Variants in FOXP1 observed in about 807,000 individuals in gnomAD.
FOXP1 encodes the protein forkhead box protein P1.
A neutral mutation model predicts 98.2 loss-of-function variants in FOXP1; 15 were observed. The ratio of observed to expected loss-of-function variants is 0.15; its 90% CI spans 0.10 to 0.24. The LOEUF is 0.24. Among genes scored for constraint, FOXP1 ranks in the 10% least tolerant of loss-of-function variants. The pLI is 1.00. For synonymous variants in FOXP1, 371 were observed against 314.5 expected, an observed-to-expected ratio of 1.18 and a Z score of -1.90; for missense variants, 633 against 848.5, an observed-to-expected ratio of 0.75 and a Z score of 3.15.
At chr3:71,509,960 C>G (rs906234045) in intron 2 of FOXP1, among the ~76,000 whole-genome samples, 1 of 152,100 alleles carries the variant, frequency 6.6e-6, no homozygotes, top group African/African-American at 2.4e-5. Flanking sequence ...GAGCAGATCA[C>G]CTGAGGTCAG....
intron 7 of FOXP1, among the ~76,000 whole-genome samples, chr3:71,102,375 T>C (rs370713460): frequency 1.3e-5 from 2 of 152,192 alleles, no homozygotes; most frequent in East Asian, 1.9e-4. Flanking sequence ...GCTATATCCA[T>C]GCTATGTTTA....
At chr3:71,109,493 CAGA>C (rs2057732528) in intron 7 of FOXP1, among the ~76,000 whole-genome samples, 1 of 151,570 alleles carries the variant, frequency 6.6e-6, no homozygotes, top group South Asian at 2.1e-4. Flanking sequence ...TTCCTCTATG[CAGA>C]AGATCTGAAA....
At chr3:70,965,827 C>T in intron 20 of FOXP1, 63 bp downstream of exon 20, 2 of 1,518,080 alleles carry the variant, frequency 1.3e-6, no homozygotes, top group South Asian at 1.1e-5. Flanking sequence ...GGGCTGTCTC[C>T]CTGCGTGTAC....
At chr3:70,961,848 C>T (rs1315073351) in intron 20 of FOXP1, among the ~76,000 whole-genome samples, 1 of 152,046 alleles carries the variant, frequency 6.6e-6, no homozygotes, top group Non-Finnish European at 1.5e-5. Flanking sequence ...ATCACTTGAG[C>T]CCAGGAGTTC....
chr3:71,375,625 C>T (rs992006995), intron 3 of FOXP1, among the ~76,000 whole-genome samples: 21 of 152,070 alleles, frequency 1.4e-4, no homozygotes, highest in Non-Finnish European at 2.8e-4. Flanking sequence ...ATAAAGAGTA[C>T]AAGGAGACAT....
At chr3:71,430,218 C>T (rs1395506962) in intron 3 of FOXP1, among the ~76,000 whole-genome samples, 1 of 152,172 alleles carries the variant, frequency 6.6e-6, no homozygotes, top group Non-Finnish European at 1.5e-5. Flanking sequence ...GAGGACTTTG[C>T]AGCGTGAGCG....
intron 2 of FOXP1, among the ~76,000 whole-genome samples, chr3:71,525,825 A>G (rs2043333090): frequency 6.6e-6 from 1 of 152,150 alleles, no homozygotes; most frequent in Admixed American, 6.5e-5. Context: ...ATTTAAATAT[A>G]GGAGTACTGG....
intron 3 of FOXP1, among the ~76,000 whole-genome samples, chr3:71,448,770 T>G (rs966421500): frequency 6.6e-6 from 1 of 152,150 alleles, no homozygotes; most frequent in Admixed American, 6.6e-5. Flanking sequence ...ATTCCAAACT[T>G]CTCTGTTTTG....
intron 5 of FOXP1, among the ~76,000 whole-genome samples, chr3:71,287,827 A>C (rs1175284867): frequency 1.3e-5 from 2 of 152,176 alleles, no homozygotes; most frequent in Non-Finnish European, 2.9e-5. Context: ...TTTAGTTACA[A>C]TGTTGAACTG....
intron 3 of FOXP1, among the ~76,000 whole-genome samples, chr3:71,429,765 T>C (rs1176143377): frequency 6.6e-6 from 1 of 152,214 alleles, no homozygotes; most frequent in Non-Finnish European, 1.5e-5. Flanking sequence ...AGAATCACCG[T>C]CATTGAAAGA....
At position 71,582,124 on chromosome 3, in the gene FOXP1, G is replaced by A. The variant is rs182382045; in HGVS notation, c.-446-427C>T. The stretch of plus-strand genomic sequence containing the variant: ...TTCGAAGCAAACACATGGGAGGGGG[G>A]CATGCGACTTTGTTTCCGGGAGCGG... On this transcript the variant is annotated intron_variant, in intron 1 of 20. Transcript: ENST00000649528. The A allele has an allele frequency of 6.2e-4, 548 of 884,816 alleles. No homozygotes were observed. The African/African-American group carries it at 9.5e-3, about 15-fold the overall frequency. 54.8% of individuals were successfully genotyped at this position (884,816 alleles called of 1,614,324 possible).
At chr3:71,268,422 G>A (rs966976963) in intron 5 of FOXP1, among the ~76,000 whole-genome samples, 3 of 152,064 alleles carry the variant, frequency 2.0e-5, no homozygotes, top group African/African-American at 7.2e-5. Context: ...AGAAGACTGG[G>A]AAAGTTGGGG....
At chr3:71,033,016 A>G (rs1017917762) in intron 11 of FOXP1, among the ~76,000 whole-genome samples, 4 of 152,206 alleles carry the variant, frequency 2.6e-5, no homozygotes, top group Non-Finnish European at 5.9e-5. Context: ...ACCGAGTACC[A>G]TGGACAATAC....
intron 7 of FOXP1, among the ~76,000 whole-genome samples, chr3:71,066,803 A>G (rs1035893694): frequency 1.3e-5 from 2 of 152,256 alleles, no homozygotes; most frequent in Admixed American, 6.5e-5. Flanking sequence ...AAACTCATGC[A>G]TGCTTTCAGA....
intron 7 of FOXP1, among the ~76,000 whole-genome samples, chr3:71,098,596 A>G (rs960414119): frequency 3.3e-5 from 5 of 152,080 alleles, no homozygotes; most frequent in African/African-American, 9.7e-5. Context: ...ACCAGTATCA[A>G]TTTTCCTTTC....
At chr3:71,390,767 G>T (rs2080970965) in intron 3 of FOXP1, among the ~76,000 whole-genome samples, 1 of 152,174 alleles carries the variant, frequency 6.6e-6, no homozygotes, top group Admixed American at 6.5e-5. Context: ...AAATAAGAAA[G>T]ATTTTAAAAG....
chr3:71,194,365 T>C (rs2063178091), intron 6 of FOXP1, among the ~76,000 whole-genome samples: 1 of 152,168 alleles, frequency 6.6e-6, no homozygotes, highest in African/African-American at 2.4e-5. Context: ...TCATTTTTAT[T>C]GAATAAACAT....
chr3:71,527,481 G>A (rs1479149129), intron 2 of FOXP1, among the ~76,000 whole-genome samples: 1 of 152,142 alleles, frequency 6.6e-6, no homozygotes, highest in Non-Finnish European at 1.5e-5. Context: ...CCAAGCTGGA[G>A]GTTTGATGAG....
At chr3:71,441,239 GAAGGTAGCTTTAA>G (rs1399940663) in intron 3 of FOXP1, among the ~76,000 whole-genome samples, 2 of 152,228 alleles carry the variant, frequency 1.3e-5, no homozygotes, top group African/African-American at 4.8e-5. Flanking sequence ...CATGGAAGTA[GAAGGTAGCTTTAA>G]CCCCTACGGG....
Sources: allele counts gnomAD v4.1 joint callset (sites outside exome capture counted in the v4.1 genomes callset), GRCh38; gene constraint gnomAD v4.1.1; transcripts MANE v1.5; gene names NCBI Gene and HGNC (gene_info 2026-07-23, HGNC 2026-07-21).